PCDH11X: variants seen among roughly 807,000 people sequenced by gnomAD.
PCDH11X encodes the protein protocadherin 11 X-linked.
A neutral mutation model predicts 53.3 loss-of-function variants in PCDH11X; 18 were observed. The ratio of observed to expected loss-of-function variants is 0.34; its 90% CI spans 0.23 to 0.50. PCDH11X has a LOEUF of 0.50. PCDH11X is among the 20% of genes least tolerant of loss of function. PCDH11X has a pLI of 0.98. For missense variants in PCDH11X, 570 were observed against 1,032.4 expected, an observed-to-expected ratio of 0.55 and a Z score of 6.14; for synonymous variants, 279 against 393.3, an observed-to-expected ratio of 0.71 and a Z score of 3.44.
chrX:91,875,814 C>A (rs749161857), intron 5 of PCDH11X, among the ~76,000 whole-genome samples: 219 of 108,758 alleles, frequency 2.0e-3, no homozygotes, highest in Non-Finnish European at 3.4e-3. Flanking sequence ...TATTGAAATT[C>A]TTTGTATTTT....
At chrX:92,025,976 T>A (rs1243559023) in intron 6 of PCDH11X, among the ~76,000 whole-genome samples, 1 of 110,839 alleles carries the variant, frequency 9.0e-6, no homozygotes, top group African/African-American at 3.3e-5. Flanking sequence ...TGTTCTCACC[T>A]GTAAGTGAGA....
At chrX:91,780,236 G>C (rs1394717891) in intron 1 of PCDH11X, among the ~76,000 whole-genome samples, 1 of 111,421 alleles carries the variant, frequency 9.0e-6, no homozygotes, top group Non-Finnish European at 1.9e-5. Flanking sequence ...TACGACCCTT[G>C]GCGCAGAGAG....
At chrX:92,581,212 C>G (rs1472430666) in intron 10 of PCDH11X, among the ~76,000 whole-genome samples, 2 of 111,893 alleles carry the variant, frequency 1.8e-5, no homozygotes, top group African/African-American at 6.5e-5. Flanking sequence ...TAGACAAACA[C>G]TATATCCCAA....
chrX:92,151,166 G>T (rs1193290540), intron 6 of PCDH11X, among the ~76,000 whole-genome samples: 5 of 108,390 alleles, frequency 4.6e-5, no homozygotes, highest in African/African-American at 1.3e-4. Flanking sequence ...AGTTTGCTTA[G>T]AATTTTTATT....
At chrX:91,987,593 C>G (rs1303081475) in intron 6 of PCDH11X, among the ~76,000 whole-genome samples, 3 of 110,699 alleles carry the variant, frequency 2.7e-5, no homozygotes, top group African/African-American at 9.8e-5. Flanking sequence ...TTCATACTAT[C>G]CACTATGAAG....
At chrX:92,062,898 T>TA (rs1253088745) in intron 6 of PCDH11X, among the ~76,000 whole-genome samples, 1 of 111,411 alleles carries the variant, frequency 9.0e-6, no homozygotes, top group Non-Finnish European at 1.9e-5. Context: ...CATGCACACT[T>TA]ATGTTTGTTG....
chrX:92,221,860 G>T (rs1444123580), intron 7 of PCDH11X, among the ~76,000 whole-genome samples: 1 of 110,041 alleles, frequency 9.1e-6, no homozygotes, highest in African/African-American at 3.3e-5. Flanking sequence ...TTTTGAGACA[G>T]GGTTTTGCTC....
At chrX:92,299,830 T>C (rs1296682405) in intron 8 of PCDH11X, among the ~76,000 whole-genome samples, 1 of 110,202 alleles carries the variant, frequency 9.1e-6, no homozygotes, top group East Asian at 2.8e-4. Context: ...TGATTTTGGA[T>C]ATTTCTTTTC....
chrX:91,891,498 A>G, intron 6 of PCDH11X, among the ~76,000 whole-genome samples: 1 of 95,911 alleles, frequency 1.0e-5, no homozygotes, highest in Non-Finnish European at 2.0e-5. Context: ...GTTCACCACC[A>G]TTGTGGTGTA....
intron 6 of PCDH11X, among the ~76,000 whole-genome samples, chrX:92,186,403 G>T (rs1163570528): frequency 1.8e-5 from 2 of 111,593 alleles, no homozygotes; most frequent in East Asian, 5.6e-4. Flanking sequence ...GCCAAGGCGG[G>T]TGCATCACCT....
At chrX:92,576,876 T>C (rs958397620) in intron 10 of PCDH11X, among the ~76,000 whole-genome samples, 1 of 111,713 alleles carries the variant, frequency 9.0e-6, no homozygotes, top group African/African-American at 3.2e-5. Flanking sequence ...GTTATAATAT[T>C]GTTTTATCTG....
chrX:92,532,838 G>C (rs1482660906), intron 10 of PCDH11X, among the ~76,000 whole-genome samples: 1 of 111,719 alleles, frequency 9.0e-6, no homozygotes, highest in Non-Finnish European at 1.9e-5. Context: ...TCACAGTCAT[G>C]GCAAAAGGCT....
intron 8 of PCDH11X, among the ~76,000 whole-genome samples, chrX:92,271,735 A>T (rs5984918): frequency 0.086 from 9,633 of 111,924 alleles, 686 homozygotes; most frequent in East Asian, 0.28. Flanking sequence ...GAATATCCTG[A>T]ACCTCATCAT....
intron 6 of PCDH11X, among the ~76,000 whole-genome samples, chrX:92,146,343 G>T (rs1482329218): frequency 9.0e-6 from 1 of 111,064 alleles, no homozygotes; most frequent in African/African-American, 3.3e-5. Flanking sequence ...TTTGGGGGGT[G>T]GGGGTGAGAG....
At chrX:92,461,937 C>T (rs1245241142) in intron 9 of PCDH11X, among the ~76,000 whole-genome samples, 1 of 111,903 alleles carries the variant, frequency 8.9e-6, no homozygotes, top group Non-Finnish European at 1.9e-5. Flanking sequence ...AATGGCCTAC[C>T]TTCAAGTGTT....
At chrX:92,255,954 G>A (rs2148404900) in intron 7 of PCDH11X, among the ~76,000 whole-genome samples, 1 of 112,392 alleles carries the variant, frequency 8.9e-6, no homozygotes, top group South Asian at 3.7e-4. Flanking sequence ...AGCTGTGGTG[G>A]GCTCCACCCA....
At chrX:91,792,312 T>C (rs1455940381) in intron 1 of PCDH11X, among the ~76,000 whole-genome samples, 4 of 111,843 alleles carry the variant, frequency 3.6e-5, no homozygotes, top group African/African-American at 9.8e-5. Flanking sequence ...ATTAGAATGG[T>C]TCAAAATATT....
At chrX:92,280,975 A>T (rs1014480960) in intron 8 of PCDH11X, among the ~76,000 whole-genome samples, 17 of 111,168 alleles carry the variant, frequency 1.5e-4, no homozygotes, top group African/African-American at 4.6e-4. Context: ...GTTCAAAATG[A>T]GTTCCCTCTA....
intron 9 of PCDH11X, among the ~76,000 whole-genome samples, chrX:92,402,211 C>T (rs2071402362): frequency 9.0e-6 from 1 of 111,536 alleles, no homozygotes; most frequent in Non-Finnish European, 1.9e-5. Context: ...ACCGTGTTAC[C>T]CAAAGCAATT....
Sources: allele counts gnomAD v4.1 joint callset (sites outside exome capture counted in the v4.1 genomes callset), GRCh38; gene constraint gnomAD v4.1.1; transcripts MANE v1.5; gene names NCBI Gene and HGNC (gene_info 2026-07-23, HGNC 2026-07-21).